TENM3: variants seen among roughly 807,000 people sequenced by gnomAD.
TENM3 encodes the protein teneurin-3.
A neutral mutation model predicts 255.1 loss-of-function variants in TENM3; 63 were observed. That is an observed-to-expected ratio of 0.25 (90% CI 0.20 to 0.30). The LOEUF (loss-of-function observed/expected upper bound fraction) is 0.30, where lower values mean the gene tolerates loss of function less well. Among genes scored for constraint, TENM3 ranks in the 10% least tolerant of loss-of-function variants. TENM3 has a pLI of 1.00. For missense variants in TENM3, 2,929 were observed against 3,461.1 expected (o/e 0.85, Z 3.86); for synonymous variants, 1,306 against 1,322.3 (o/e 0.99, Z 0.27).
At chr4:182,109,060 A>G in the TENM3 span, among the ~76,000 whole-genome samples, 5 of 151,700 alleles carry the variant, frequency 3.3e-5, no homozygotes, top group Admixed American at 3.3e-4. Flanking sequence ...CAAAAAACAT[A>G]TTTAGAAAGT....
At chr4:181,964,632 G>A in the TENM3 span, among the ~76,000 whole-genome samples, 1 of 151,996 alleles carries the variant, frequency 6.6e-6, no homozygotes, top group African/African-American at 2.4e-5. Context: ...ATTGGGAATA[G>A]GCTGATCGGG....
chr4:181,966,209 T>C, the TENM3 span, among the ~76,000 whole-genome samples: 1 of 152,054 alleles, frequency 6.6e-6, no homozygotes, highest in South Asian at 2.1e-4. Flanking sequence ...TGTGACTGGA[T>C]GTTGTGGAGA....
At chr4:181,482,892 C>T in the TENM3 span, among the ~76,000 whole-genome samples, 13 of 152,104 alleles carry the variant, frequency 8.5e-5, no homozygotes, top group Non-Finnish European at 1.2e-4. Context: ...AGCAATCATT[C>T]TTCTTGACAT....
chr4:181,950,021 T>C, the TENM3 span, among the ~76,000 whole-genome samples: 1 of 152,228 alleles, frequency 6.6e-6, no homozygotes, highest in African/African-American at 2.4e-5. Flanking sequence ...ACATCGCCTG[T>C]GACTTGCACG....
chr4:182,180,007 G>C (rs1752745146), intron 1 of TENM3, among the ~76,000 whole-genome samples: 1 of 151,952 alleles, frequency 6.6e-6, no homozygotes, highest in African/African-American at 2.4e-5. Context: ...ACTTCCCTAA[G>C]TTACAGCCTG....
intron 1 of TENM3, among the ~76,000 whole-genome samples, chr4:182,315,495 T>G (rs1762700953): frequency 6.6e-6 from 1 of 152,206 alleles, no homozygotes; most frequent in Admixed American, 6.5e-5. Flanking sequence ...GATGCCTTTT[T>G]CCTGTGTCTG....
At chr4:181,962,372 C>G in the TENM3 span, among the ~76,000 whole-genome samples, 11 of 152,264 alleles carry the variant, frequency 7.2e-5, no homozygotes, top group South Asian at 1.9e-3. Flanking sequence ...TGCTTTTTCT[C>G]CTGTAACTCA....
chr4:181,761,272 T>C, the TENM3 span, among the ~76,000 whole-genome samples: 1 of 152,122 alleles, frequency 6.6e-6, no homozygotes, highest in African/African-American at 2.4e-5. Context: ...ATCGTGCTTA[T>C]ACACGAGAGA....
At chr4:181,903,136 C>T in the TENM3 span, among the ~76,000 whole-genome samples, 2 of 151,924 alleles carry the variant, frequency 1.3e-5, no homozygotes, top group African/African-American at 2.4e-5. Context: ...CCACCTAGTA[C>T]GAGGGATCCT....
chr4:182,458,679 A>T (rs1227028395), intron 3 of TENM3, among the ~76,000 whole-genome samples: 5 of 152,216 alleles, frequency 3.3e-5, no homozygotes, highest in African/African-American at 1.2e-4. Context: ...TAGATACTAA[A>T]TGTTTACATT....
intron 3 of TENM3, among the ~76,000 whole-genome samples, chr4:182,496,429 G>T (rs1340033794): frequency 2.0e-5 from 3 of 152,108 alleles, no homozygotes; most frequent in African/African-American, 7.2e-5. Context: ...AACTGGAACG[G>T]CATTTCCCTG....
At chr4:181,450,768 A>C in the TENM3 span, among the ~76,000 whole-genome samples, 1 of 152,190 alleles carries the variant, frequency 6.6e-6, no homozygotes, top group Non-Finnish European at 1.5e-5. Context: ...TCTAGAACTA[A>C]TGTTTTCATA....
chr4:181,547,355 A>C, the TENM3 span, among the ~76,000 whole-genome samples: 1 of 152,340 alleles, frequency 6.6e-6, no homozygotes, highest in East Asian at 1.9e-4. Context: ...GATGATCAGT[A>C]GTAACATAAT....
intron 3 of TENM3, among the ~76,000 whole-genome samples, chr4:182,552,609 G>C (rs1305553085): frequency 6.6e-6 from 1 of 152,122 alleles, no homozygotes; most frequent in Admixed American, 6.5e-5. Flanking sequence ...AAGAAGAATT[G>C]AATTATTTAA....
In TENM3 at chr4:182,792,322, G is replaced by A. The variant is rs200581858; in HGVS notation, c.5650G>A (p.Asp1884Asn). ...CCAGCGGCAGTACATCTTCGAATAC[G>A]ATATGTGGGACCGCCTGTCTGCCAT... Reference protein sequence around the residue: ...HSQRQYIFEYDMWDRLSAITM... With the variant: ...HSQRQYIFEYNMWDRLSAITM... Residue 1884 changes from aspartate to asparagine, a missense_variant, in exon 26 of 28, where the codon GAT becomes AAT. By Grantham distance (23) the Asp-to-Asn change is conservative. Around this residue, in one of 6 missense-constraint regions of TENM3, gnomAD observed 303 missense variants for 425.2 expected, o/e 0.71. Coordinates refer to ENST00000511685, the MANE Select transcript of TENM3 (RefSeq NM_001080477.4). The surrounding 1 kb of genome is among the most constrained non-coding windows in gnomAD (Gnocchi z 6.3). The A allele has an allele frequency of 1.9e-5, 31 of 1,613,866 alleles. No individual in the cohort carries two copies. Among genetic ancestry groups the A allele is most frequent in the Middle Eastern group, 1.6e-4 (1 of 6,084 alleles).
At chr4:182,356,070 C>G (rs1233643236) in intron 3 of TENM3, among the ~76,000 whole-genome samples, 1 of 151,200 alleles carries the variant, frequency 6.6e-6, no homozygotes, top group Admixed American at 6.6e-5. Context: ...CTAAGCTCAC[C>G]AATATTTAAC....
chr4:181,528,991 T>C, the TENM3 span, among the ~76,000 whole-genome samples: 1,324 of 152,298 alleles, frequency 8.7e-3, 9 homozygotes, highest in Middle Eastern at 0.044. Context: ...ATAAATAAGA[T>C]TAGTATACTT....
At chr4:181,850,957 C>A in the TENM3 span, among the ~76,000 whole-genome samples, 1 of 152,196 alleles carries the variant, frequency 6.6e-6, no homozygotes, top group Admixed American at 6.5e-5. Flanking sequence ...GCCGTTTCAT[C>A]TCCCATGCTT....
chr4:181,615,311 A>G, the TENM3 span, among the ~76,000 whole-genome samples: 1 of 152,136 alleles, frequency 6.6e-6, no homozygotes, highest in South Asian at 2.1e-4. Flanking sequence ...CATTAACCCC[A>G]GATAAAATTT....
Sources: gnomAD v4.1 joint callset for allele counts (sites outside exome capture counted in the v4.1 genomes callset) on GRCh38, gnomAD v4.1.1 for gene constraint, gnomAD v4.1.1 regional missense constraint, Gnocchi (gnomAD v3.1) non-coding constraint, MANE v1.5 for transcripts, NCBI Gene and HGNC (gene_info 2026-07-23, HGNC 2026-07-21) for gene names.